ATXN2: variants seen among roughly 807,000 people sequenced by gnomAD.
ATXN2 encodes ataxin-2.
A neutral mutation model predicts 138.6 loss-of-function variants in ATXN2; 37 were observed. The observed-to-expected ratio is 0.27, with a 90% confidence interval of 0.21 to 0.35. The LOEUF (loss-of-function observed/expected upper bound fraction) is 0.35. Ranked by LOEUF, ATXN2 falls within the 10% of genes least tolerant of loss-of-function variation. ATXN2 has a pLI of 1.00. For missense variants in ATXN2, 1,216 were observed against 1,480.3 expected (o/e 0.82, Z 2.93); for synonymous variants, 549 against 543.7 (o/e 1.01, Z -0.13).
At chr12:111,524,215 A>T (rs910519477) in intron 6 of ATXN2, among the ~76,000 whole-genome samples, 3 of 152,168 alleles carry the variant, frequency 2.0e-5, no homozygotes, top group Non-Finnish European at 4.4e-5. Flanking sequence ...GTGTATGTCC[A>T]GTTTTATTAC....
chr12:111,557,688 A>T (rs1158119476), intron 1 of ATXN2, among the ~76,000 whole-genome samples: 3 of 152,204 alleles, frequency 2.0e-5, no homozygotes, highest in African/African-American at 7.2e-5. Flanking sequence ...TAAGTTTTTC[A>T]TTCCTAGGTT....
intron 5 of ATXN2, among the ~76,000 whole-genome samples, chr12:111,526,160 A>T (rs942214914): frequency 6.6e-6 from 1 of 151,696 alleles, no homozygotes; most frequent in African/African-American, 2.4e-5. Context: ...GATCGAGACC[A>T]TCCTGGCCAA....
intron 20 of ATXN2, among the ~76,000 whole-genome samples, chr12:111,467,307 CTTTTTT>C (rs61507608): frequency 2.0e-4 from 7 of 34,828 alleles, no homozygotes; most frequent in African/African-American, 4.6e-4. Flanking sequence ...CATGACTGGG[CTTTTTT>C]TTTTTTTTTT....
intron 14 of ATXN2, among the ~76,000 whole-genome samples, chr12:111,507,892 G>A (rs1879262735): frequency 6.6e-6 from 1 of 152,208 alleles, no homozygotes; most frequent in South Asian, 2.1e-4. Context: ...AACATGTGCT[G>A]TGTCACTCAG....
At chr12:111,507,211 G>C (rs1162694929) in intron 14 of ATXN2, among the ~76,000 whole-genome samples, 1 of 151,910 alleles carries the variant, frequency 6.6e-6, no homozygotes, top group Non-Finnish European at 1.5e-5. Flanking sequence ...TCCCGTCTAG[G>C]AAGTGAGGAG....
At chr12:111,579,055 C>T (rs1047283498) in intron 1 of ATXN2, among the ~76,000 whole-genome samples, 1 of 152,088 alleles carries the variant, frequency 6.6e-6, no homozygotes, top group Non-Finnish European at 1.5e-5. Flanking sequence ...AATTCATACA[C>T]TGCTAGGGAA....
At chr12:111,580,546 G>A (rs978191293) in intron 1 of ATXN2, among the ~76,000 whole-genome samples, 1 of 150,618 alleles carries the variant, frequency 6.6e-6, no homozygotes, top group Admixed American at 6.7e-5. Flanking sequence ...CGGAACGGGA[G>A]GTGGGTGTAG....
rs1209063836 is a variant in ATXN2 at position 111,453,610 on chromosome 12, G to GC, written c.3439+66dup. On this transcript the variant is annotated intron_variant, in intron 24 of 24. Coordinates refer to ENST00000673436, the MANE Select transcript of ATXN2 (RefSeq NM_001372574.1). The surrounding 1 kb of genome is among the most constrained non-coding windows in gnomAD (Gnocchi z 5.4). The stretch of plus-strand genomic sequence containing the variant: ...GGGGCTTGAAGCACTGGCCCTGCCT[G>GC]CCATTCCACCTGTGCGAGCAGAATG... 6.8e-7 allele frequency: 1 copy of GC among 1,470,672 alleles called. No individual in the cohort carries two copies. The highest frequency in any genetic ancestry group is 2.5e-5 in the Admixed American group (1 of 39,906). The allele number at this position is 1,470,672 out of a possible 1,614,324, so 91.1% of individuals were successfully genotyped here.
chr12:111,470,458 C>T (rs1876330347), intron 19 of ATXN2, 100 bp downstream of exon 19: 2 of 1,371,928 alleles, frequency 1.5e-6, no homozygotes, highest in Non-Finnish European at 2.0e-6. Context: ...TCTACCCTAC[C>T]ATCACACAAA....
At chr12:111,491,912 G>A (rs151193410) in intron 14 of ATXN2, among the ~76,000 whole-genome samples, 156 of 152,076 alleles carry the variant, frequency 1.0e-3, no homozygotes, top group Non-Finnish European at 1.7e-3. Flanking sequence ...TAAAGCTCCC[G>A]ATCCCAGGCC....
chr12:111,570,607 C>G (rs1432430776), intron 1 of ATXN2, among the ~76,000 whole-genome samples: 1 of 152,154 alleles, frequency 6.6e-6, no homozygotes, highest in Non-Finnish European at 1.5e-5. Context: ...ACTCTTCCCG[C>G]CTGGAACTTC....
intron 18 of ATXN2, among the ~76,000 whole-genome samples, chr12:111,483,404 G>A (rs1308259462): frequency 7.7e-6 from 1 of 129,996 alleles, no homozygotes; most frequent in African/African-American, 3.5e-5. Context: ...TAAATTAACT[G>A]GTTGGCAAAA....
intron 18 of ATXN2, among the ~76,000 whole-genome samples, chr12:111,472,240 C>G (rs1349881937): frequency 1.3e-5 from 2 of 152,158 alleles, no homozygotes; most frequent in African/African-American, 4.8e-5. Context: ...GCACTCCAGC[C>G]TCGGCGAAGA....
chr12:111,598,933 G>A lies in ATXN2; in HGVS notation c.102C>T (p.Ala34=). The part of the protein sequence containing the change: ...QQQQQPPPAA[A]NVRKPGGSGL... ...CGCTGCCGCCGGGCTTGCGGACATT[G>A]GCAGCCGCGGGCGGCGGCTGCTGCT... The change falls in exon 1 of 25, where the codon GCC becomes GCT. Residue 34 remains alanine (A), a synonymous_variant. Coordinates refer to ENST00000673436, the MANE Select transcript of ATXN2 (RefSeq NM_001372574.1). The surrounding 1 kb of genome is among the most constrained non-coding windows in gnomAD (Gnocchi z 4.5). 6.6e-7 allele frequency: 1 copy of A among 1,511,268 alleles called. No homozygotes were observed. Among genetic ancestry groups the A allele is most frequent in the East Asian group, 2.6e-5 (1 of 37,902 alleles). The allele number at this position is 1,511,268 out of a possible 1,614,324, so 93.6% of individuals were successfully genotyped here.
chr12:111,580,485 AAC>A (rs1386346413), intron 1 of ATXN2, among the ~76,000 whole-genome samples: 1 of 151,038 alleles, frequency 6.6e-6, no homozygotes, highest in Non-Finnish European at 1.5e-5. Flanking sequence ...CACCCTGAGC[AAC>A]AGAGGAAGAT....
intron 14 of ATXN2, among the ~76,000 whole-genome samples, chr12:111,489,700 C>T (rs984466749): frequency 2.0e-5 from 3 of 150,926 alleles, no homozygotes; most frequent in Non-Finnish European, 2.9e-5. Flanking sequence ...GACAAGCAGA[C>T]TGCTTAAGCT....
intron 21 of ATXN2, among the ~76,000 whole-genome samples, chr12:111,462,965 T>TACAC (rs558178919): frequency 3.6e-5 from 5 of 139,818 alleles, no homozygotes; most frequent in African/African-American, 1.4e-4. Context: ...CACACATACA[T>TACAC]ATATATATAT....
At chr12:111,464,325 GT>G (rs1566005265) in intron 21 of ATXN2, among the ~76,000 whole-genome samples, 4,567 of 125,864 alleles carry the variant, frequency 0.036, 274 homozygotes, top group African/African-American at 0.19. Context: ...TGTGGCTTGG[GT>G]GTGTGTGTTT....
chr12:111,586,640 C>A (rs1374491093), intron 1 of ATXN2, among the ~76,000 whole-genome samples: 1 of 151,970 alleles, frequency 6.6e-6, no homozygotes. Flanking sequence ...CCCTCCTCAA[C>A]CTCCCAAAGT....
Sources: allele counts gnomAD v4.1 joint callset (sites outside exome capture counted in the v4.1 genomes callset), GRCh38; gene constraint gnomAD v4.1.1; non-coding constraint Gnocchi (gnomAD v3.1); transcripts MANE v1.5; gene names NCBI Gene and HGNC (gene_info 2026-07-23, HGNC 2026-07-21).